CSMD1: variants seen among roughly 807,000 people sequenced by gnomAD.
CSMD1 encodes the protein CUB and Sushi multiple domains 1, also known as CUB and sushi domain-containing protein 1.
In CSMD1, 213 loss-of-function variants were observed where a neutral mutation model predicts 417.5. The observed-to-expected ratio is 0.51, with a 90% confidence interval of 0.46 to 0.57. The LOEUF (loss-of-function observed/expected upper bound fraction) is 0.57. Among genes scored for constraint, CSMD1 ranks in the 20% least tolerant of loss-of-function variants. The probability of loss-of-function intolerance (pLI) is 0.00; values close to 1 mark genes in which losing one functional copy is unlikely to be tolerated. For missense variants in CSMD1, 6,923 were observed against 4,529.7 expected (o/e 1.53, Z -15.17); for synonymous variants, 2,862 against 1,736.8 (o/e 1.65, Z -16.11).
chr8:3,866,507 G>C (rs1326719203), intron 5 of CSMD1, among the ~76,000 whole-genome samples: 2 of 152,196 alleles, frequency 1.3e-5, no homozygotes, highest in Non-Finnish European at 2.9e-5. Flanking sequence ...GCCTGACGTG[G>C]TAAAGCATCA....
intron 3 of CSMD1, among the ~76,000 whole-genome samples, chr8:4,139,219 C>A (rs531269865): frequency 6.6e-6 from 1 of 152,220 alleles, no homozygotes; most frequent in East Asian, 1.9e-4. Flanking sequence ...TAAGAGTGTC[C>A]TAGTGGTGCT....
intron 1 of CSMD1, among the ~76,000 whole-genome samples, chr8:4,768,218 C>T (rs1263649235): frequency 1.3e-5 from 2 of 152,082 alleles, no homozygotes; most frequent in Non-Finnish European, 2.9e-5. Context: ...TTGGAATGAG[C>T]TTCCCATGAG....
In CSMD1 at chr8:4,124,567, C is replaced by T. The variant is rs1001625603; in HGVS notation, c.416-92468G>A. ...CAGAAGCTTTGTGGCCACCTGCGCC[C>T]GGTAGTGGGGACCATCTGGGGTTTC... On this transcript the variant is annotated intron_variant, in intron 3 of 69. Coordinates refer to ENST00000635120, the MANE Select transcript of CSMD1 (RefSeq NM_033225.6). 4.6e-5 allele frequency among the ~76,000 whole-genome samples: 7 copies of T among 152,142 alleles called. 1 individual carries two copies. The highest frequency in any genetic ancestry group is 2.6e-4 in the Admixed American group (4 of 15,274).
intron 3 of CSMD1, among the ~76,000 whole-genome samples, chr8:4,331,232 T>C (rs1057016223): frequency 2.0e-5 from 3 of 152,126 alleles, no homozygotes; most frequent in African/African-American, 2.4e-5. Context: ...GGTGAGTCCC[T>C]GTGGGAACCT....
intron 10 of CSMD1, among the ~76,000 whole-genome samples, chr8:3,501,644 C>A (rs1256900003): frequency 6.6e-6 from 1 of 152,188 alleles, no homozygotes; most frequent in East Asian, 1.9e-4. Context: ...ATTCATTCCA[C>A]TTCAAATTAT....
chr8:3,970,778 G>T (rs1455906890), intron 5 of CSMD1, among the ~76,000 whole-genome samples: 3 of 152,050 alleles, frequency 2.0e-5, no homozygotes, highest in Non-Finnish European at 2.9e-5. Flanking sequence ...TTTTGATGGA[G>T]TTTCACTCTT....
intron 5 of CSMD1, among the ~76,000 whole-genome samples, chr8:3,781,627 C>G (rs1440131931): frequency 6.6e-6 from 1 of 152,178 alleles, no homozygotes; most frequent in Admixed American, 6.5e-5. Flanking sequence ...TCAAGAAACC[C>G]TATAGTTGAT....
At chr8:3,954,394 G>A (rs908665278) in intron 5 of CSMD1, among the ~76,000 whole-genome samples, 9 of 151,982 alleles carry the variant, frequency 5.9e-5, no homozygotes, top group East Asian at 1.9e-4. Flanking sequence ...ACGGAGTCTC[G>A]CTCTGCTGCC....
At chr8:3,269,646 C>G (rs113707183) in intron 26 of CSMD1, among the ~76,000 whole-genome samples, 30 of 152,174 alleles carry the variant, frequency 2.0e-4, no homozygotes, top group African/African-American at 7.2e-4. Context: ...ACTGGGGGAG[C>G]TGACAGTGCC....
chr8:4,729,355 A>G (rs1319087229), intron 1 of CSMD1, among the ~76,000 whole-genome samples: 1 of 152,220 alleles, frequency 6.6e-6, no homozygotes, highest in Non-Finnish European at 1.5e-5. Flanking sequence ...ACAGTAACTG[A>G]TTGCAGTAGG....
intron 12 of CSMD1, among the ~76,000 whole-genome samples, chr8:3,444,020 G>C (rs1815153835): frequency 6.6e-6 from 1 of 152,218 alleles, no homozygotes; most frequent in Admixed American, 6.6e-5. Context: ...ACCTTGCAGT[G>C]CTGAATGTGA....
At chr8:3,406,261 T>C in intron 14 of CSMD1, 40 bp from the exon 15 acceptor site, 4 of 1,484,438 alleles carry the variant, frequency 2.7e-6, no homozygotes, top group Non-Finnish European at 3.6e-6. Flanking sequence ...TAAAAATACT[T>C]GAGTATTAAT....
intron 29 of CSMD1, among the ~76,000 whole-genome samples, chr8:3,218,699 C>T (rs1383915105): frequency 6.6e-6 from 1 of 151,884 alleles, no homozygotes; most frequent in Non-Finnish European, 1.5e-5. Flanking sequence ...TGATGAAACC[C>T]AGTCTCTACT....
chr8:4,525,913 G>A (rs761702248), intron 2 of CSMD1, among the ~76,000 whole-genome samples: 1 of 152,102 alleles, frequency 6.6e-6, no homozygotes, highest in African/African-American at 2.4e-5. Flanking sequence ...GCAGGCCTTA[G>A]TAACCACCTG....
At chr8:3,756,798 A>ATTTTTTTT (rs5888992) in intron 5 of CSMD1, among the ~76,000 whole-genome samples, 1 of 149,256 alleles carries the variant, frequency 6.7e-6, no homozygotes, top group Non-Finnish European at 1.5e-5. Context: ...ACCAGGTGGA[A>ATTTTTTTT]TTTTTTTTTT....
chr8:4,622,473 G>T (rs139767811), intron 2 of CSMD1, among the ~76,000 whole-genome samples: 1 of 152,088 alleles, frequency 6.6e-6, no homozygotes, highest in African/African-American at 2.4e-5. Flanking sequence ...ATGCTGACTG[G>T]CACATAATCA....
At chr8:4,546,418 A>G (rs1563274840) in intron 2 of CSMD1, among the ~76,000 whole-genome samples, 1 of 152,176 alleles carries the variant, frequency 6.6e-6, no homozygotes. Flanking sequence ...TAGAGTTTGA[A>G]TCGGCAGACT....
At chr8:4,294,388 GTTCT>G (rs1563404155) in intron 3 of CSMD1, among the ~76,000 whole-genome samples, 1 of 152,058 alleles carries the variant, frequency 6.6e-6, no homozygotes, top group Non-Finnish European at 1.5e-5. Flanking sequence ...AGATGTCACC[GTTCT>G]TTCTGATTGT....
chr8:4,951,915 T>C (rs1023439178), intron 1 of CSMD1, among the ~76,000 whole-genome samples: 1 of 151,524 alleles, frequency 6.6e-6, no homozygotes, highest in Non-Finnish European at 1.5e-5. Flanking sequence ...TTTATATATT[T>C]AGAAAAAAAA....
Sources: gnomAD v4.1 joint callset for allele counts (sites outside exome capture counted in the v4.1 genomes callset) on GRCh38, gnomAD v4.1.1 for gene constraint, MANE v1.5 for transcripts, NCBI Gene and HGNC (gene_info 2026-07-23, HGNC 2026-07-21) for gene names.